The following RSPO2 variants were observed in gnomAD, a reference collection of about 807,000 sequenced individuals.
The protein encoded by RSPO2 is R-spondin 2.
A neutral mutation model predicts 30.9 loss-of-function variants in RSPO2; 14 were observed. That is an observed-to-expected ratio of 0.45 (90% CI 0.30 to 0.71). RSPO2 has a LOEUF of 0.71. Ranked by LOEUF, RSPO2 falls within the 30% of genes least tolerant of loss-of-function variation. The pLI is 0.08. For synonymous variants in RSPO2, 107 were observed against 96.4 expected (o/e 1.11, Z -0.64); for missense variants, 264 against 301.9 (o/e 0.87, Z 0.93).
rs550026717 is a variant in RSPO2 at position 108,068,515 on chromosome 8, C to T, written c.94+14030G>A. Among the ~76,000 whole-genome samples the T allele has an allele frequency of 7.2e-5, 11 of 152,114 alleles. No individual in the cohort carries two copies. In the South Asian group the frequency reaches 1.0e-3, roughly 14 times the overall value. Reference sequence around the variant, plus strand: ...TGAAAATAAGGATTTAAAAGACTACCGGGTATGATGCAAAGGGTATTTGTT... The same window carrying T: ...TGAAAATAAGGATTTAAAAGACTACTGGGTATGATGCAAAGGGTATTTGTT... On this transcript the variant is annotated intron_variant, in intron 2 of 5. Coordinates refer to ENST00000276659, the MANE Select transcript of RSPO2 (RefSeq NM_178565.5).
intron 5 of RSPO2, among the ~76,000 whole-genome samples, chr8:107,913,067 T>A (rs1278442196): frequency 6.6e-6 from 1 of 151,616 alleles, no homozygotes; most frequent in African/African-American, 2.4e-5. Flanking sequence ...GAAAGGTAAT[T>A]GGGATAAATA....
chr8:108,000,219 A>G (rs1298704028), intron 2 of RSPO2, among the ~76,000 whole-genome samples: 3 of 152,284 alleles, frequency 2.0e-5, no homozygotes, highest in African/African-American at 7.2e-5. Context: ...CAATTTACAC[A>G]CATCATTAAC....
At chr8:108,019,032 G>A (rs936532561) in intron 2 of RSPO2, among the ~76,000 whole-genome samples, 1 of 152,080 alleles carries the variant, frequency 6.6e-6, no homozygotes, top group Admixed American at 6.6e-5. Context: ...AAGCAAACTT[G>A]GTAGAAGATT....
At chr8:108,027,351 C>T (rs757437843) in intron 2 of RSPO2, among the ~76,000 whole-genome samples, 1 of 152,102 alleles carries the variant, frequency 6.6e-6, no homozygotes, top group African/African-American at 2.4e-5. Context: ...TGGTTCATTC[C>T]GTCTCTTAGT....
chr8:108,055,641 CT>C (rs1486021572), intron 2 of RSPO2, among the ~76,000 whole-genome samples: 1 of 152,078 alleles, frequency 6.6e-6, no homozygotes, highest in African/African-American at 2.4e-5. Context: ...AAAACAAGGA[CT>C]ATTTAAGCAA....
intron 3 of RSPO2, chr8:107,983,012 GA>G: frequency 1.3e-6 from 1 of 752,234 alleles, no homozygotes; most frequent in Non-Finnish European, 2.1e-6. Flanking sequence ...GGGGTGCAGA[GA>G]GGGGCCACAG....
intron 2 of RSPO2, among the ~76,000 whole-genome samples, chr8:108,074,368 C>T (rs909176949): frequency 6.6e-5 from 10 of 152,134 alleles, no homozygotes; most frequent in Admixed American, 6.5e-4. Flanking sequence ...GTGTTAAACA[C>T]AAAATACACA....
intron 5 of RSPO2, among the ~76,000 whole-genome samples, chr8:107,909,747 A>G (rs1012945183): frequency 6.6e-6 from 1 of 152,184 alleles, no homozygotes; most frequent in Non-Finnish European, 1.5e-5. Context: ...TCTGTAACTT[A>G]GATTTTCTGT....
At chr8:108,040,608 A>C (rs1398853105) in intron 2 of RSPO2, among the ~76,000 whole-genome samples, 2 of 152,316 alleles carry the variant, frequency 1.3e-5, no homozygotes, top group African/African-American at 4.8e-5. Flanking sequence ...CACTGAAAAG[A>C]TCCAAAATCT....
Position 107,915,484 on chromosome 8 carries a change from G to T in RSPO2, c.617-14294C>A, listed in dbSNP as rs554140773. ...TTGGTTTGGGAGACTTCTCAAACAGGAAGATTTCAGGGAGATTTCTCAGAT... is the reference window on the plus strand; with the variant it reads ...TTGGTTTGGGAGACTTCTCAAACAGTAAGATTTCAGGGAGATTTCTCAGAT... On this transcript the variant is annotated intron_variant, in intron 5 of 5. Coordinates refer to ENST00000276659, the MANE Select transcript of RSPO2 (RefSeq NM_178565.5). 3.9e-5 allele frequency among the ~76,000 whole-genome samples: 6 copies of T among 152,260 alleles called. No homozygotes were observed. In the South Asian group the frequency reaches 1.2e-3, roughly 32 times the overall value.
Position 107,900,887 on chromosome 8 carries a change from C to T in RSPO2, c.*188G>A. The stretch of plus-strand genomic sequence containing the variant: ...GTGCACTTACTCCTGCCTTCACAGT[C>T]TCCAGATTCAAATCAAAGCATAAAT... On this transcript the variant is annotated 3_prime_UTR_variant, in exon 6 of 6. Coordinates refer to ENST00000276659, the MANE Select transcript of RSPO2 (RefSeq NM_178565.5). The T allele has an allele frequency of 3.4e-6, 2 of 582,538 alleles. No individual in the cohort carries two copies. The highest frequency in any genetic ancestry group is 5.9e-6 in the Non-Finnish European group (2 of 341,366). 36.1% of individuals were successfully genotyped at this position (582,538 alleles called of 1,614,324 possible).
chr8:107,936,971 G>A (rs1812740003), intron 5 of RSPO2, among the ~76,000 whole-genome samples: 2 of 152,034 alleles, frequency 1.3e-5, no homozygotes, highest in South Asian at 4.1e-4. Flanking sequence ...TTCCTTGGCT[G>A]TGCAGAAGCT....
intron 5 of RSPO2, among the ~76,000 whole-genome samples, chr8:107,923,570 T>C (rs1812255585): frequency 6.6e-6 from 1 of 152,170 alleles, no homozygotes; most frequent in African/African-American, 2.4e-5. Context: ...TTACTGGGTA[T>C]ATACACCCAA....
intron 2 of RSPO2, among the ~76,000 whole-genome samples, chr8:108,027,659 G>A (rs964980293): frequency 6.6e-6 from 1 of 152,048 alleles, no homozygotes; most frequent in African/African-American, 2.4e-5. Context: ...TAGTTTTGGG[G>A]ATTGAATTCT....
At chr8:108,027,979 G>T (rs1586639921) in intron 2 of RSPO2, among the ~76,000 whole-genome samples, 1 of 152,112 alleles carries the variant, frequency 6.6e-6, no homozygotes, top group Non-Finnish European at 1.5e-5. Context: ...GAAGTTCAGG[G>T]TGTGGTAACT....
chr8:107,973,497 G>C (rs1405326971), intron 3 of RSPO2, among the ~76,000 whole-genome samples: 1 of 147,378 alleles, frequency 6.8e-6, no homozygotes, highest in Admixed American at 7.0e-5. Context: ...CTTGGGAACT[G>C]AGTGATACAC....
intron 5 of RSPO2, among the ~76,000 whole-genome samples, chr8:107,923,111 C>T (rs1484316435): frequency 1.3e-5 from 2 of 151,998 alleles, no homozygotes; most frequent in Non-Finnish European, 2.9e-5. Context: ...TTCTGCACAG[C>T]AAAAGAAACC....
intron 3 of RSPO2, among the ~76,000 whole-genome samples, chr8:107,982,747 T>A (rs1814488797): frequency 6.6e-6 from 1 of 152,132 alleles, no homozygotes; most frequent in Non-Finnish European, 1.5e-5. Flanking sequence ...ACTCTATTGT[T>A]TAAACAGTGC....
intron 3 of RSPO2, among the ~76,000 whole-genome samples, chr8:107,976,271 T>C (rs1318598694): frequency 6.6e-6 from 1 of 152,212 alleles, no homozygotes; most frequent in Non-Finnish European, 1.5e-5. Flanking sequence ...ATTTTTACTT[T>C]GTTTTCTCCA....
Sources: allele counts gnomAD v4.1 joint callset (sites outside exome capture counted in the v4.1 genomes callset), GRCh38; gene constraint gnomAD v4.1.1; transcripts MANE v1.5; gene names NCBI Gene and HGNC (gene_info 2026-07-23, HGNC 2026-07-21).